IQSEC1: variants seen among roughly 807,000 people sequenced by gnomAD.
The protein encoded by IQSEC1 is IQ motif and Sec7 domain ArfGEF 1.
IQSEC1 carries 31 observed loss-of-function variants against 91.0 expected under a neutral mutation model. That is an observed-to-expected ratio of 0.34 (90% CI 0.26 to 0.46). The LOEUF is 0.46. Among genes scored for constraint, IQSEC1 ranks in the 20% least tolerant of loss-of-function variants. The pLI is 1.00. For synonymous variants in IQSEC1, 699 were observed against 662.6 expected, an observed-to-expected ratio of 1.05 and a Z score of -0.84; for missense variants, 1,388 against 1,575.6, an observed-to-expected ratio of 0.88 and a Z score of 2.02.
chr3:12,904,776 G>T (rs138617719), intron 12 of IQSEC1, among the ~76,000 whole-genome samples: 3 of 152,298 alleles, frequency 2.0e-5, no homozygotes, highest in Admixed American at 6.5e-5. Context: ...TGGCCTCCCC[G>T]TCTGTAACCG....
intron 1 of IQSEC1, among the ~76,000 whole-genome samples, chr3:13,236,960 G>A (rs975484707): frequency 6.6e-6 from 1 of 152,240 alleles, no homozygotes; most frequent in East Asian, 1.9e-4. Context: ...GCCCGGCCCG[G>A]GCGCACTGGG....
chr3:13,019,242 G>A (rs752668530), intron 1 of IQSEC1, among the ~76,000 whole-genome samples: 15 of 152,292 alleles, frequency 9.8e-5, no homozygotes, highest in Middle Eastern at 3.4e-3. Context: ...CAGAGTCCTC[G>A]GGCCAAAGTT....
chr3:13,084,848 C>T (rs1705709066), intron 2 of IQSEC1, among the ~76,000 whole-genome samples: 1 of 152,126 alleles, frequency 6.6e-6, no homozygotes, highest in South Asian at 2.1e-4. Context: ...GGGTCTCAAG[C>T]TCAGCTCTGG....
intron 1 of IQSEC1, chr3:13,042,239 G>A (rs2125042555): frequency 6.6e-6 from 1 of 152,400 alleles, no homozygotes; most frequent in East Asian, 1.9e-4. Context: ...TTTCTCTCCA[G>A]GTCCCATTGC....
chr3:13,059,687 G>C (rs1211013165), intron 1 of IQSEC1, among the ~76,000 whole-genome samples: 1 of 152,196 alleles, frequency 6.6e-6, no homozygotes, highest in Non-Finnish European at 1.5e-5. Context: ...GGAGTTCAAG[G>C]CTCCAGTGAG....
intron 1 of IQSEC1, among the ~76,000 whole-genome samples, chr3:12,976,058 A>G (rs1486133120): frequency 1.3e-5 from 2 of 152,212 alleles, no homozygotes; most frequent in Non-Finnish European, 2.9e-5. Flanking sequence ...GAACTGAATA[A>G]TCTATGTCTC....
chr3:13,082,755 G>A (rs1258975280), intron 2 of IQSEC1, among the ~76,000 whole-genome samples: 1 of 152,142 alleles, frequency 6.6e-6, no homozygotes, highest in African/African-American at 2.4e-5. Flanking sequence ...GTCACCCTTG[G>A]CTCTCGGAGA....
intron 1 of IQSEC1, among the ~76,000 whole-genome samples, chr3:13,250,284 A>G (rs1695171300): frequency 1.3e-5 from 2 of 152,178 alleles, no homozygotes; most frequent in Admixed American, 1.3e-4. Context: ...AGCGGCACAC[A>G]CAGGAAGCAT....
intron 10 of IQSEC1, among the ~76,000 whole-genome samples, chr3:12,910,363 C>G (rs534867867): frequency 6.6e-6 from 1 of 152,248 alleles, no homozygotes; most frequent in Non-Finnish European, 1.5e-5. Flanking sequence ...CAGGTGCAGC[C>G]TCTGCCCTGA....
At chr3:13,166,668 C>T (rs1056808815) in intron 1 of IQSEC1, among the ~76,000 whole-genome samples, 9 of 152,250 alleles carry the variant, frequency 5.9e-5, no homozygotes, top group African/African-American at 1.9e-4. Flanking sequence ...GCTTCTCTCA[C>T]CACCTACCCG....
intron 1 of IQSEC1, among the ~76,000 whole-genome samples, chr3:12,998,742 G>A (rs543202627): frequency 6.6e-6 from 1 of 152,202 alleles, no homozygotes; most frequent in Non-Finnish European, 1.5e-5. Context: ...CTGGTACATG[G>A]TTTTGCCATG....
chr3:13,021,952 C>T (rs1477878735), intron 1 of IQSEC1: 1 of 985,514 alleles, frequency 1.0e-6, no homozygotes, highest in East Asian at 3.3e-5. Flanking sequence ...CCAGCTCCTT[C>T]CTGGACCCTG....
chr3:13,209,293 C>T (rs1269191839), intron 1 of IQSEC1, among the ~76,000 whole-genome samples: 1 of 152,206 alleles, frequency 6.6e-6, no homozygotes, highest in Admixed American at 6.5e-5. Context: ...GTTGCACTTG[C>T]TTGCTCTATC....
At chr3:13,157,332 A>G (rs1288869539) in intron 2 of IQSEC1, among the ~76,000 whole-genome samples, 1 of 152,176 alleles carries the variant, frequency 6.6e-6, no homozygotes, top group Admixed American at 6.5e-5. Flanking sequence ...AAAACGCAAA[A>G]TACACCCAGT....
intron 1 of IQSEC1, among the ~76,000 whole-genome samples, chr3:13,241,578 T>C (rs1375619658): frequency 6.6e-6 from 1 of 152,246 alleles, no homozygotes; most frequent in African/African-American, 2.4e-5. Flanking sequence ...GTGGTTTGTC[T>C]TCCTCTTCTG....
At chr3:13,283,156 C>A (rs1278989334) in exon 1 of IQSEC1, among the ~76,000 whole-genome samples, 4 of 145,526 alleles carry the variant, frequency 2.7e-5, no homozygotes, top group Non-Finnish European at 6.1e-5. Context: ...GCCTCCTGCT[C>A]CCCGCGCCGC....
intron 2 of IQSEC1, among the ~76,000 whole-genome samples, chr3:13,148,488 A>G (rs1417419843): frequency 6.6e-6 from 1 of 152,226 alleles, no homozygotes; most frequent in East Asian, 1.9e-4. Flanking sequence ...GAATTTCTGA[A>G]TTCATTCTAA....
intron 1 of IQSEC1, among the ~76,000 whole-genome samples, chr3:13,053,572 C>A (rs1197018430): frequency 6.6e-6 from 1 of 152,194 alleles, no homozygotes; most frequent in African/African-American, 2.4e-5. Flanking sequence ...AGAAGGGAGA[C>A]TCTGGGAGTC....
chr3:12,958,071 C>A (rs1700023869), intron 1 of IQSEC1, among the ~76,000 whole-genome samples: 1 of 152,212 alleles, frequency 6.6e-6, no homozygotes, highest in Admixed American at 6.5e-5. Context: ...GGCCCCGGGA[C>A]ACCTCCCTGC....
Sources: allele counts gnomAD v4.1 joint callset (sites outside exome capture counted in the v4.1 genomes callset), GRCh38; gene constraint gnomAD v4.1.1; transcripts MANE v1.5; gene names NCBI Gene and HGNC (gene_info 2026-07-23, HGNC 2026-07-21).